Variants in AGBL3 observed in about 807,000 individuals in gnomAD.
The protein encoded by AGBL3 is cytosolic carboxypeptidase 3.
Under a neutral mutation model 94.5 loss-of-function variants are expected in AGBL3, and 68 were observed. The ratio of observed to expected loss-of-function variants is 0.72; its 90% CI spans 0.59 to 0.88. AGBL3 has a LOEUF of 0.88. Ranked by LOEUF, AGBL3 falls within the 40% of genes least tolerant of loss-of-function variation. AGBL3 has a pLI of 0.00. For missense variants in AGBL3, 934 were observed against 1,103.8 expected (o/e 0.85, Z 2.18); for synonymous variants, 354 against 370.7 (o/e 0.95, Z 0.52).
At chr7:135,031,679 T>A (rs12707199) in intron 5 of AGBL3, among the ~76,000 whole-genome samples, 39,493 of 152,048 alleles carry the variant, frequency 0.26, 5,776 homozygotes, top group East Asian at 0.59. Flanking sequence ...CTGTTTTCAT[T>A]TTATCCCCAA....
chr7:134,993,160 T>C (rs1263560701), intron 3 of AGBL3, among the ~76,000 whole-genome samples: 1 of 152,230 alleles, frequency 6.6e-6, no homozygotes, highest in Non-Finnish European at 1.5e-5. Flanking sequence ...CATCACTGTA[T>C]TTAACTCGTT....
chr7:135,066,425 G>T (rs1584986296), intron 12 of AGBL3, among the ~76,000 whole-genome samples: 2 of 152,284 alleles, frequency 1.3e-5, no homozygotes, highest in East Asian at 3.9e-4. Flanking sequence ...AAACCACAAT[G>T]AGATATCATC....
chr7:135,053,290 A>C (rs1052945330), intron 11 of AGBL3, among the ~76,000 whole-genome samples: 2 of 152,246 alleles, frequency 1.3e-5, no homozygotes, highest in Admixed American at 6.5e-5. Context: ...GTTAGTGGAA[A>C]GTAGTTAGTA....
intron 4 of AGBL3, among the ~76,000 whole-genome samples, chr7:135,008,293 C>A (rs1172120536): frequency 2.0e-5 from 3 of 152,030 alleles, no homozygotes; most frequent in Non-Finnish European, 4.4e-5. Flanking sequence ...GACTTATAGA[C>A]CAGTGAATTA....
At chr7:134,990,658 A>G (rs1323941978) in intron 3 of AGBL3, among the ~76,000 whole-genome samples, 2 of 152,176 alleles carry the variant, frequency 1.3e-5, no homozygotes, top group Admixed American at 1.3e-4. Context: ...TGTATGAGAA[A>G]CTGTATCTGT....
At chr7:135,122,618 C>A (rs144423077) in intron 16 of AGBL3, among the ~76,000 whole-genome samples, 1 of 152,170 alleles carries the variant, frequency 6.6e-6, no homozygotes, top group Non-Finnish European at 1.5e-5. Context: ...ATACCCTATA[C>A]GTGAGCAATA....
chr7:135,062,237 T>G (rs187026745), intron 12 of AGBL3, among the ~76,000 whole-genome samples: 102 of 152,210 alleles, frequency 6.7e-4, no homozygotes, highest in African/African-American at 2.4e-3. Flanking sequence ...ACTACTGATT[T>G]TGTATGTTGA....
intron 12 of AGBL3, among the ~76,000 whole-genome samples, chr7:135,065,927 A>C (rs1819251103): frequency 6.6e-6 from 1 of 152,134 alleles, no homozygotes; most frequent in African/African-American, 2.4e-5. Context: ...CTGGATATAT[A>C]CATAAAACAG....
At chr7:135,003,752 A>G (rs1456714465) in intron 4 of AGBL3, among the ~76,000 whole-genome samples, 2 of 151,520 alleles carry the variant, frequency 1.3e-5, no homozygotes, top group African/African-American at 4.8e-5. Context: ...GCAATTTCAA[A>G]TAGAATATTT....
intron 8 of AGBL3, 91 bp downstream of exon 8, chr7:135,037,671 A>G: frequency 1.8e-6 from 2 of 1,124,432 alleles, no homozygotes; most frequent in African/African-American, 3.2e-5. Flanking sequence ...ACTATTCCAA[A>G]CTGCTTTTTT....
chr7:135,057,089 C>T (rs1028083233), intron 11 of AGBL3, among the ~76,000 whole-genome samples: 1 of 151,962 alleles, frequency 6.6e-6, no homozygotes, highest in Non-Finnish European at 1.5e-5. Context: ...ATATATTTGT[C>T]ACCGCTGACA....
intron 4 of AGBL3, among the ~76,000 whole-genome samples, chr7:135,001,340 G>A (rs547278594): frequency 6.6e-6 from 1 of 152,102 alleles, no homozygotes; most frequent in South Asian, 2.1e-4. Context: ...TTAACCACAC[G>A]TGCATATAGC....
At chr7:135,037,366 T>G in intron 7 of AGBL3, 52 bp from the exon 8 acceptor site, 1 of 1,448,538 alleles carries the variant, frequency 6.9e-7, no homozygotes, top group Non-Finnish European at 9.2e-7. Flanking sequence ...GTTGTACCTA[T>G]AGAAGAAAAA....
intron 15 of AGBL3, among the ~76,000 whole-genome samples, chr7:135,114,624 T>C (rs1826067610): frequency 1.3e-5 from 2 of 152,096 alleles, no homozygotes; most frequent in Admixed American, 1.3e-4. Flanking sequence ...AAAATCCACA[T>C]ATGTACCCAG....
intron 12 of AGBL3, among the ~76,000 whole-genome samples, chr7:135,060,241 T>C (rs1452558652): frequency 1.3e-5 from 2 of 152,190 alleles, no homozygotes; most frequent in Non-Finnish European, 2.9e-5. Flanking sequence ...TTCTACATAA[T>C]TTGTGTCATC....
At chr7:135,086,772 T>C (rs1160397865) in intron 15 of AGBL3, among the ~76,000 whole-genome samples, 1 of 152,002 alleles carries the variant, frequency 6.6e-6, no homozygotes, top group African/African-American at 2.4e-5. Context: ...CTTTTACGTC[T>C]TTATTTATCA....
chr7:135,133,067 GCACA>G (rs55861736), intron 16 of AGBL3, among the ~76,000 whole-genome samples: 9,340 of 150,322 alleles, frequency 0.062, 374 homozygotes, highest in Non-Finnish European at 0.095. Flanking sequence ...ACGCATGCGT[GCACA>G]CACACACACA....
chr7:135,073,626 C>T (rs1460057579), intron 12 of AGBL3, among the ~76,000 whole-genome samples: 1 of 152,108 alleles, frequency 6.6e-6, no homozygotes, highest in Non-Finnish European at 1.5e-5. Flanking sequence ...ACTCCTGTCT[C>T]AAGAGCCGAG....
At chr7:135,071,812 G>A (rs1018141392) in intron 12 of AGBL3, among the ~76,000 whole-genome samples, 1 of 152,140 alleles carries the variant, frequency 6.6e-6, no homozygotes, top group African/African-American at 2.4e-5. Context: ...AAAAACCCTA[G>A]AAGAAAACCT....
Sources: allele counts gnomAD v4.1 joint callset (sites outside exome capture counted in the v4.1 genomes callset), GRCh38; gene constraint gnomAD v4.1.1; transcripts MANE v1.5; gene names NCBI Gene and HGNC (gene_info 2026-07-23, HGNC 2026-07-21).